Variants in KCNB2 observed in about 807,000 individuals in gnomAD.
The protein encoded by KCNB2 is delayed rectifier potassium channel protein.
In KCNB2, 15 loss-of-function variants were observed where a neutral mutation model predicts 61.5. That is an observed-to-expected ratio of 0.24 (90% CI 0.16 to 0.38). The LOEUF (loss-of-function observed/expected upper bound fraction) is 0.38, where lower values mean the gene tolerates loss of function less well. Ranked by LOEUF, KCNB2 falls within the 10% of genes least tolerant of loss-of-function variation. The probability of loss-of-function intolerance (pLI) is 1.00; values close to 1 mark genes in which losing one functional copy is unlikely to be tolerated. For missense variants in KCNB2, 828 were observed against 1,125.2 expected, an observed-to-expected ratio of 0.74 and a Z score of 3.78; for synonymous variants, 457 against 446.0, an observed-to-expected ratio of 1.02 and a Z score of -0.31.
chr8:72,652,552 A>G (rs1001096983), intron 2 of KCNB2, among the ~76,000 whole-genome samples: 1 of 152,070 alleles, frequency 6.6e-6, no homozygotes, highest in Non-Finnish European at 1.5e-5. Flanking sequence ...AGTAAAATCC[A>G]AACTCCTTTC....
chr8:72,867,473 C>A (rs1805543971), intron 2 of KCNB2, among the ~76,000 whole-genome samples: 1 of 152,012 alleles, frequency 6.6e-6, no homozygotes, highest in African/African-American at 2.4e-5. Context: ...CAAAGGGAGA[C>A]CCTTTCTCCA....
intron 2 of KCNB2, among the ~76,000 whole-genome samples, chr8:72,615,780 G>C (rs1460626715): frequency 6.6e-6 from 1 of 152,148 alleles, no homozygotes; most frequent in Admixed American, 6.6e-5. Flanking sequence ...CCCAAGTGAG[G>C]CACAGTTTTT....
Position 72,561,694 on chromosome 8 carries a change from TA to T in KCNB2, c.-93-5947del, listed in dbSNP as rs1340948202. Among the ~76,000 whole-genome samples the T allele has an allele frequency of 3.8e-3, 32 of 8,456 alleles. 5 individuals are homozygous for T. In the East Asian group the frequency reaches 0.091, roughly 24 times the overall value. The allele number at this position is 8,456 out of a possible 152,430, so 5.5% of individuals were successfully genotyped here. On this transcript the variant is annotated intron_variant, in intron 1 of 2. Coordinates refer to ENST00000523207, the MANE Select transcript of KCNB2 (RefSeq NM_004770.3). ...GAAAATTTCCAGGATCTTACTTTTATATATATATATATATATATATATATAT... is the reference window on the plus strand; with the variant it reads ...GAAAATTTCCAGGATCTTACTTTTATTATATATATATATATATATATATAT...
At chr8:72,541,354 C>G (rs997354532) in intron 1 of KCNB2, among the ~76,000 whole-genome samples, 4 of 152,052 alleles carry the variant, frequency 2.6e-5, no homozygotes, top group African/African-American at 9.6e-5. Flanking sequence ...TTACAACCAC[C>G]CTATGGTGTA....
chr8:72,636,491 C>A (rs77749180), intron 2 of KCNB2, among the ~76,000 whole-genome samples: 23,717 of 152,156 alleles, frequency 0.16, 2,376 homozygotes, highest in Middle Eastern at 0.25. Flanking sequence ...ATAATCCTGA[C>A]AGTGACATTT....
At chr8:72,661,859 G>A (rs1454381923) in intron 2 of KCNB2, among the ~76,000 whole-genome samples, 4 of 152,160 alleles carry the variant, frequency 2.6e-5, no homozygotes, top group African/African-American at 7.2e-5. Flanking sequence ...TTAAACCCAA[G>A]TAGAGACCTG....
At chr8:72,766,863 A>G (rs1231244065) in intron 2 of KCNB2, among the ~76,000 whole-genome samples, 3 of 152,200 alleles carry the variant, frequency 2.0e-5, no homozygotes, top group Non-Finnish European at 4.4e-5. Context: ...AGATATACCC[A>G]AGACTGGGAA....
At chr8:72,627,282 G>A (rs910728828) in intron 2 of KCNB2, among the ~76,000 whole-genome samples, 2 of 152,190 alleles carry the variant, frequency 1.3e-5, no homozygotes, top group Non-Finnish European at 2.9e-5. Flanking sequence ...GTCACTAGGA[G>A]TGAAGAAAAG....
At chr8:72,917,152 G>A (rs1806416711) in intron 2 of KCNB2, among the ~76,000 whole-genome samples, 1 of 152,156 alleles carries the variant, frequency 6.6e-6, no homozygotes, top group African/African-American at 2.4e-5. Flanking sequence ...ATTAATCTGA[G>A]AAGGAAATCA....
At chr8:72,760,963 C>T (rs1349211506) in intron 2 of KCNB2, among the ~76,000 whole-genome samples, 1 of 152,182 alleles carries the variant, frequency 6.6e-6, no homozygotes, top group Non-Finnish European at 1.5e-5. Flanking sequence ...CCTCCTCTTT[C>T]CCTTCTTCCC....
intron 2 of KCNB2, among the ~76,000 whole-genome samples, chr8:72,892,855 T>C (rs1272478593): frequency 6.6e-6 from 1 of 152,204 alleles, no homozygotes; most frequent in African/African-American, 2.4e-5. Flanking sequence ...AATTAAATTA[T>C]TGTTCAAATA....
intron 2 of KCNB2, among the ~76,000 whole-genome samples, chr8:72,602,895 C>T (rs1805376226): frequency 6.6e-6 from 1 of 151,880 alleles, no homozygotes; most frequent in Non-Finnish European, 1.5e-5. Flanking sequence ...AATTCATGGC[C>T]ATCTTTGATC....
intron 2 of KCNB2, among the ~76,000 whole-genome samples, chr8:72,618,155 C>T (rs1281881803): frequency 6.6e-6 from 1 of 151,878 alleles, no homozygotes; most frequent in Non-Finnish European, 1.5e-5. Flanking sequence ...GACATTAGCT[C>T]ATAATCCTTG....
At chr8:72,836,248 C>G (rs1809780377) in intron 2 of KCNB2, among the ~76,000 whole-genome samples, 1 of 152,208 alleles carries the variant, frequency 6.6e-6, no homozygotes, top group African/African-American at 2.4e-5. Flanking sequence ...TTATTTTAAA[C>G]TGGCTACATT....
chr8:72,742,339 C>T (rs1015806544), intron 2 of KCNB2, among the ~76,000 whole-genome samples: 1 of 152,116 alleles, frequency 6.6e-6, no homozygotes, highest in African/African-American at 2.4e-5. Context: ...TTTTTCTGAA[C>T]ATGTTTATAA....
intron 2 of KCNB2, among the ~76,000 whole-genome samples, chr8:72,725,960 A>G (rs548308401): frequency 5.3e-5 from 8 of 152,250 alleles, no homozygotes; most frequent in African/African-American, 1.9e-4. Context: ...TACATTTGCA[A>G]AGATATGTGA....
At chr8:72,572,433 G>A (rs2128979443) in intron 2 of KCNB2, among the ~76,000 whole-genome samples, 1 of 152,210 alleles carries the variant, frequency 6.6e-6, no homozygotes, top group South Asian at 2.1e-4. Flanking sequence ...TTTCAGGAAA[G>A]CATACAGGTC....
In KCNB2 at chr8:72,818,164, CCAA is replaced by C. The variant is rs921981623; in HGVS notation, c.580-117752_580-117750del. On this transcript the variant is annotated intron_variant, in intron 2 of 2. Transcript: ENST00000523207. ...TTTCTAGGCAAGGGAAATTTATCCTCCAACAACAACAACAACAACAAAATCTTT... is the reference window on the plus strand; with the variant it reads ...TTTCTAGGCAAGGGAAATTTATCCTCCAACAACAACAACAACAAAATCTTT... 5.3e-5 allele frequency among the ~76,000 whole-genome samples: 8 copies of C among 151,936 alleles called. No individual in the cohort carries two copies. The South Asian group carries it at 6.3e-4, about 12-fold the overall frequency.
intron 2 of KCNB2, among the ~76,000 whole-genome samples, chr8:72,789,298 T>C (rs1373694382): frequency 6.6e-6 from 1 of 152,128 alleles, no homozygotes; most frequent in Non-Finnish European, 1.5e-5. Context: ...AGAGACTAGG[T>C]GTCTTGTTCA....
Sources: gnomAD v4.1 joint callset for allele counts (sites outside exome capture counted in the v4.1 genomes callset) on GRCh38, gnomAD v4.1.1 for gene constraint, MANE v1.5 for transcripts, NCBI Gene and HGNC (gene_info 2026-07-23, HGNC 2026-07-21) for gene names.